The following DEUP1 variants were observed in gnomAD, a reference collection of about 807,000 sequenced individuals.
DEUP1 encodes the protein coiled-coil domain containing 67.
A neutral mutation model predicts 87.4 loss-of-function variants in DEUP1; 82 were observed. The observed-to-expected ratio is 0.94, with a 90% CI of 0.78 to 1.13. The LOEUF is 1.13. Among genes scored for constraint, DEUP1 ranks in the 50% most tolerant of loss-of-function variants. The pLI is 0.00. For synonymous variants in DEUP1, 214 were observed against 222.7 expected (o/e 0.96, Z 0.35); for missense variants, 663 against 681.5 (o/e 0.97, Z 0.30).
intron 8 of DEUP1, among the ~76,000 whole-genome samples, chr11:93,387,851 A>AAAG (rs1194659281): frequency 1.3e-5 from 2 of 152,258 alleles, no homozygotes; most frequent in East Asian, 3.9e-4. Context: ...GTAGGAAACA[A>AAAG]AAGGACACTG....
intron 2 of DEUP1, among the ~76,000 whole-genome samples, chr11:93,333,267 G>T (rs890440842): frequency 3.3e-5 from 5 of 152,138 alleles, no homozygotes; most frequent in African/African-American, 1.2e-4. Context: ...CGTCACAGGT[G>T]CTGCGCTCAC....
chr11:93,385,380 T>C lies in DEUP1; in HGVS notation c.790-18T>C, dbSNP rs368987878. On this transcript the variant is annotated intron_variant, in intron 7 of 13. Transcript: ENST00000298050. ...ATAACCAACAATGAGCATGAAATTTTTTGATGTTTTTATTCAGGCCATGGA... is the reference window on the plus strand; with the variant it reads ...ATAACCAACAATGAGCATGAAATTTCTTGATGTTTTTATTCAGGCCATGGA... 1.1e-4 allele frequency: 185 copies of C among 1,610,780 alleles called. No individual in the cohort carries two copies. Among genetic ancestry groups the C allele is most frequent in the Non-Finnish European group, 1.5e-4 (177 of 1,178,980 alleles).
chr11:93,395,209 A>C (rs1946903382), intron 10 of DEUP1, among the ~76,000 whole-genome samples: 1 of 152,186 alleles, frequency 6.6e-6, no homozygotes, highest in Admixed American at 6.5e-5. Flanking sequence ...TAACTTCTAC[A>C]TCCTTCCTTT....
At chr11:93,352,056 C>T (rs1944651122) in intron 2 of DEUP1, among the ~76,000 whole-genome samples, 1 of 152,118 alleles carries the variant, frequency 6.6e-6, no homozygotes, top group African/African-American at 2.4e-5. Flanking sequence ...CTGGCTCTTC[C>T]ATTAATTAGC....
Position 93,437,896 on chromosome 11 carries a change from C to T in DEUP1, c.*177C>T, listed in dbSNP as rs1175878906. 2 of 490,248 alleles carry T rather than the reference C, an allele frequency of 4.1e-6. No individual in the cohort carries two copies. Among genetic ancestry groups the T allele is most frequent in the Non-Finnish European group, 7.4e-6 (2 of 271,862 alleles). 30.4% of individuals were successfully genotyped at this position (490,248 alleles called of 1,614,324 possible). A position where few individuals can be genotyped will look rare whatever the true frequency, so the allele number is the denominator to read the frequency against. On this transcript the variant is annotated 3_prime_UTR_variant, in exon 14 of 14. Coordinates refer to ENST00000298050, the MANE Select transcript of DEUP1 (RefSeq NM_181645.4). ...GTATTTTGTTCTATAAAGCTGTTCA[C>T]ATTTCTGCATTAACATGCTAAATTG... is the stretch of plus-strand genomic sequence containing the variant.
At chr11:93,347,901 G>A (rs546708832) in intron 2 of DEUP1, among the ~76,000 whole-genome samples, 2 of 152,088 alleles carry the variant, frequency 1.3e-5, no homozygotes, top group Admixed American at 6.5e-5. Context: ...CACCACGCCT[G>A]GCTAATTTTT....
chr11:93,437,474 T>A (rs1003852210), intron 13 of DEUP1, 69 bp from the exon 14 acceptor site: 1 of 1,207,748 alleles, frequency 8.3e-7, no homozygotes, highest in Non-Finnish European at 1.2e-6. Flanking sequence ...GGATGAAGCA[T>A]GCCTGGAAAT....
chr11:93,345,583 T>C lies in DEUP1; in HGVS notation c.30-9788T>C, dbSNP rs547196020. Among the ~76,000 whole-genome samples the C allele has an allele frequency of 3.9e-5, 6 of 152,352 alleles. No homozygotes were observed. The South Asian group carries it at 1.2e-3, about 32-fold the overall frequency. ...GGTGTGAGATGGCATCTCATTATGG[T>C]GTTAACTGACATTTCTCTAACAATC... On this transcript the variant is annotated intron_variant, in intron 2 of 13. Coordinates refer to ENST00000298050, the MANE Select transcript of DEUP1 (RefSeq NM_181645.4).
chr11:93,336,665 T>C (rs960115296), intron 2 of DEUP1, among the ~76,000 whole-genome samples: 8 of 152,176 alleles, frequency 5.3e-5, no homozygotes, highest in Non-Finnish European at 1.0e-4. Flanking sequence ...GTACCTGGTG[T>C]TCCCCAACCC....
At position 93,367,038 on chromosome 11, in the gene DEUP1, T is replaced by G. The variant is rs1232620347; in HGVS notation, c.432+2744T>G. On this transcript the variant is annotated intron_variant, in intron 5 of 13. Coordinates refer to ENST00000298050, the MANE Select transcript of DEUP1 (RefSeq NM_181645.4). ...TGTTTTTATGTACCTAATTTTTGTA[T>G]GTCGAATGTCAGAATCGAAGTCAAT... Among the ~76,000 whole-genome samples, 4 of 152,194 alleles carry G rather than the reference T, an allele frequency of 2.6e-5. No homozygotes were observed. In the East Asian group the frequency reaches 7.7e-4, roughly 29 times the overall value.
Position 93,398,870 on chromosome 11 carries a change from G to A in DEUP1, c.1326+2545G>A, listed in dbSNP as rs1947023909. Among the ~76,000 whole-genome samples, 4 of 151,964 alleles carry A rather than the reference G, an allele frequency of 2.6e-5. No individual in the cohort carries two copies. The South Asian group carries it at 8.3e-4, about 32-fold the overall frequency. On this transcript the variant is annotated intron_variant, in intron 11 of 13. Transcript: ENST00000298050. Reference sequence around the variant, plus strand: ...CAAGCAGCTGGGATTACAGGCACATGCCACCATGTCCAGCTAATTTTTATA... The same window carrying A: ...CAAGCAGCTGGGATTACAGGCACATACCACCATGTCCAGCTAATTTTTATA...
intron 5 of DEUP1, among the ~76,000 whole-genome samples, chr11:93,368,794 G>A (rs1415193235): frequency 6.6e-6 from 1 of 151,988 alleles, no homozygotes; most frequent in African/African-American, 2.4e-5. Flanking sequence ...AAATTATCCG[G>A]GTGTAGTGGC....
intron 13 of DEUP1, among the ~76,000 whole-genome samples, chr11:93,428,734 A>T (rs946321101): frequency 2.6e-5 from 4 of 152,212 alleles, no homozygotes; most frequent in Non-Finnish European, 5.9e-5. Context: ...TGGAAAAAGA[A>T]ATTCATCTCT....
At chr11:93,336,545 G>A (rs1342758287) in intron 2 of DEUP1, among the ~76,000 whole-genome samples, 1 of 152,110 alleles carries the variant, frequency 6.6e-6, no homozygotes, top group East Asian at 1.9e-4. Flanking sequence ...TTCCTACCTG[G>A]AGAGTATACC....
chr11:93,373,648 TATAC>T (rs1466876926), intron 7 of DEUP1, among the ~76,000 whole-genome samples: 4 of 146,526 alleles, frequency 2.7e-5, no homozygotes, highest in South Asian at 2.1e-4. Flanking sequence ...TATATATATA[TATAC>T]GTATATATAT....
chr11:93,352,604 A>T (rs1944680444), intron 2 of DEUP1: 2 of 587,212 alleles, frequency 3.4e-6, no homozygotes, highest in Non-Finnish European at 3.0e-6. Context: ...CATGCTGCTG[A>T]TAAAGATGTA....
At chr11:93,419,606 C>T (rs1367277191) in intron 13 of DEUP1, among the ~76,000 whole-genome samples, 2 of 152,092 alleles carry the variant, frequency 1.3e-5, no homozygotes, top group Middle Eastern at 3.2e-3. Context: ...TAGCCTTTCT[C>T]ATTTCCGTTT....
At chr11:93,348,174 G>A (rs1326210501) in intron 2 of DEUP1, among the ~76,000 whole-genome samples, 1 of 152,142 alleles carries the variant, frequency 6.6e-6, no homozygotes. Context: ...GTATTTCTGT[G>A]GAGTCAGTGG....
At chr11:93,384,132 C>T (rs1946425183) in intron 7 of DEUP1, among the ~76,000 whole-genome samples, 1 of 152,180 alleles carries the variant, frequency 6.6e-6, no homozygotes, top group African/African-American at 2.4e-5. Context: ...GCCATGGTCC[C>T]CAACCTCAAA....
Sources: gnomAD v4.1 joint callset for allele counts (sites outside exome capture counted in the v4.1 genomes callset) on GRCh38, gnomAD v4.1.1 for gene constraint, MANE v1.5 for transcripts, NCBI Gene and HGNC (gene_info 2026-07-23, HGNC 2026-07-21) for gene names.